Variants in FRMD5 observed in about 807,000 individuals in gnomAD.
FRMD5 encodes the protein FERM domain-containing protein 5.
In FRMD5, 20 loss-of-function variants were observed where a neutral mutation model predicts 69.0. The ratio of observed to expected loss-of-function variants is 0.29; its 90% CI spans 0.20 to 0.42. The LOEUF is 0.42. FRMD5 is among the 10% of genes least tolerant of loss of function. FRMD5 has a pLI of 1.00. For synonymous variants in FRMD5, 271 were observed against 260.1 expected, an observed-to-expected ratio of 1.04 and a Z score of -0.40; for missense variants, 595 against 708.6, an observed-to-expected ratio of 0.84 and a Z score of 1.82.
intron 2 of FRMD5, 131 bp downstream of exon 2, chr15:43,924,074 G>A (rs1816946929): frequency 1.4e-6 from 1 of 736,642 alleles, no homozygotes; most frequent in Admixed American, 2.0e-5. Context: ...GATCTGAAGA[G>A]ACGACATCCA....
intron 1 of FRMD5, among the ~76,000 whole-genome samples, chr15:44,111,374 G>A (rs2076793226): frequency 6.6e-6 from 1 of 152,160 alleles, no homozygotes; most frequent in South Asian, 2.1e-4. Flanking sequence ...CTGCCAGCAC[G>A]CATTTTCAGC....
At chr15:44,135,676 T>C (rs1324006562) in intron 1 of FRMD5, among the ~76,000 whole-genome samples, 1 of 151,802 alleles carries the variant, frequency 6.6e-6, no homozygotes, top group Non-Finnish European at 1.5e-5. Context: ...AGTACAAAAA[T>C]TAGCCAGGCG....
chr15:44,068,865 A>G (rs1166901491), intron 1 of FRMD5, among the ~76,000 whole-genome samples: 1 of 152,206 alleles, frequency 6.6e-6, no homozygotes, highest in Non-Finnish European at 1.5e-5. Context: ...CATAGAAGTC[A>G]GATGTGAGGG....
At chr15:43,939,466 A>T in intron 1 of FRMD5, among the ~76,000 whole-genome samples, 1 of 152,206 alleles carries the variant, frequency 6.6e-6, no homozygotes, top group African/African-American at 2.4e-5. Flanking sequence ...TGCACCATTG[A>T]CAAGTTCATT....
upstream of FRMD5, among the ~76,000 whole-genome samples, chr15:44,196,318 GC>G (rs1566999112): frequency 6.6e-6 from 1 of 151,928 alleles, no homozygotes. Flanking sequence ...AAAAAAATTA[GC>G]CGTGCATGGT....
At chr15:43,996,400 T>C (rs1889926533) in intron 1 of FRMD5, among the ~76,000 whole-genome samples, 2 of 152,182 alleles carry the variant, frequency 1.3e-5, no homozygotes, top group African/African-American at 4.8e-5. Flanking sequence ...TTCTCCATGC[T>C]GTGCTGTCTG....
chr15:44,094,972 T>G (rs774711787), intron 1 of FRMD5, among the ~76,000 whole-genome samples: 1 of 152,042 alleles, frequency 6.6e-6, no homozygotes, highest in Non-Finnish European at 1.5e-5. Context: ...TGATTCACGA[T>G]GCATTACTCA....
At chr15:43,958,476 A>C (rs1331396003) in intron 1 of FRMD5, among the ~76,000 whole-genome samples, 4 of 152,222 alleles carry the variant, frequency 2.6e-5, no homozygotes, top group Admixed American at 1.3e-4. Context: ...CCAGGAGCGC[A>C]GTGGCAACAT....
At chr15:44,168,532 T>G (rs935359443) in intron 1 of FRMD5, among the ~76,000 whole-genome samples, 6 of 152,240 alleles carry the variant, frequency 3.9e-5, no homozygotes, top group East Asian at 1.9e-4. Context: ...TGAACACAAC[T>G]GTAACTATAT....
chr15:43,893,657 C>T (rs1281452062), intron 7 of FRMD5, among the ~76,000 whole-genome samples: 1 of 152,140 alleles, frequency 6.6e-6, no homozygotes, highest in African/African-American at 2.4e-5. Context: ...TCAGGTGGTG[C>T]CATGGAGTTA....
chr15:44,185,807 T>A (rs891056797), intron 1 of FRMD5, among the ~76,000 whole-genome samples: 4 of 147,966 alleles, frequency 2.7e-5, no homozygotes, highest in African/African-American at 1.0e-4. Context: ...AAAAAAAAAA[T>A]GCTCTAGAGG....
intron 1 of FRMD5, among the ~76,000 whole-genome samples, chr15:44,187,429 C>G (rs2078119848): frequency 6.6e-6 from 1 of 152,122 alleles, no homozygotes; most frequent in South Asian, 2.1e-4. Context: ...CTCAACTATA[C>G]CAGAGTAAGT....
At chr15:44,198,146 CAATAATAAT>C (rs564213987), upstream of FRMD5, among the ~76,000 whole-genome samples, 3 of 150,838 alleles carry the variant, frequency 2.0e-5, no homozygotes, top group African/African-American at 2.4e-5. Flanking sequence ...CCCATAGCTA[CAATAATAAT>C]AATAATAATA....
At chr15:44,119,543 C>T (rs1041609439) in intron 1 of FRMD5, among the ~76,000 whole-genome samples, 20 of 151,978 alleles carry the variant, frequency 1.3e-4, no homozygotes, top group Non-Finnish European at 2.6e-4. Context: ...AATAAAATAT[C>T]CCTGGGAGGG....
At chr15:44,010,011 C>T (rs1890641307) in intron 1 of FRMD5, among the ~76,000 whole-genome samples, 1 of 152,046 alleles carries the variant, frequency 6.6e-6, no homozygotes, top group South Asian at 2.1e-4. Flanking sequence ...AACATCATAC[C>T]CTGACCTTCA....
intron 1 of FRMD5, among the ~76,000 whole-genome samples, chr15:43,935,399 G>C (rs998533432): frequency 6.6e-6 from 1 of 152,190 alleles, no homozygotes; most frequent in African/African-American, 2.4e-5. Flanking sequence ...CAGGAGAGCT[G>C]CTTGAACCCG....
intron 1 of FRMD5, among the ~76,000 whole-genome samples, chr15:43,930,738 G>A (rs2089660285): frequency 2.6e-5 from 4 of 152,240 alleles, no homozygotes; most frequent in African/African-American, 4.8e-5. Flanking sequence ...AGGGAGCCCT[G>A]TTGGCAGTCC....
chr15:43,961,371 G>A (rs1181964631), intron 1 of FRMD5, among the ~76,000 whole-genome samples: 1 of 152,144 alleles, frequency 6.6e-6, no homozygotes, highest in East Asian at 1.9e-4. Context: ...TTGAATCTCT[G>A]AATAGACCAA....
chr15:44,199,072 T>A (rs1025679679), upstream of FRMD5, among the ~76,000 whole-genome samples: 6 of 152,216 alleles, frequency 3.9e-5, no homozygotes, highest in Non-Finnish European at 7.3e-5. Context: ...CCTGCTGTTC[T>A]GGGACACTGG....
Sources: allele counts gnomAD v4.1 joint callset (sites outside exome capture counted in the v4.1 genomes callset), GRCh38; gene constraint gnomAD v4.1.1; transcripts MANE v1.5; gene names NCBI Gene and HGNC (gene_info 2026-07-23, HGNC 2026-07-21).